TUSC3: variants seen among roughly 807,000 people sequenced by gnomAD.
The protein encoded by TUSC3 is tumor suppressor candidate 3.
A neutral mutation model predicts 44.8 loss-of-function variants in TUSC3; 45 were observed. That is an observed-to-expected ratio of 1.00 (90% CI 0.79 to 1.29). TUSC3 has a LOEUF of 1.29. Among genes scored for constraint, TUSC3 ranks in the 50% most tolerant of loss-of-function variants. The pLI is 0.00. For missense variants in TUSC3, 519 were observed against 437.9 expected, an observed-to-expected ratio of 1.19 and a Z score of -1.65; for synonymous variants, 212 against 152.9, an observed-to-expected ratio of 1.39 and a Z score of -2.85.
intron 1 of TUSC3, among the ~76,000 whole-genome samples, chr8:15,446,010 C>G (rs192817270): frequency 2.6e-5 from 4 of 151,586 alleles, no homozygotes; most frequent in African/African-American, 9.7e-5. Flanking sequence ...ACTTCCCAGA[C>G]GGGCCGGCTG....
chr8:15,743,990 G>T (rs1177431044), intron 8 of TUSC3, among the ~76,000 whole-genome samples: 1 of 152,264 alleles, frequency 6.6e-6, no homozygotes, highest in South Asian at 2.1e-4. Context: ...TCTGCTACAA[G>T]AATCAGGGGT....
intron 2 of TUSC3, among the ~76,000 whole-genome samples, chr8:15,521,615 C>T (rs1471365545): frequency 6.6e-6 from 1 of 151,810 alleles, no homozygotes; most frequent in Non-Finnish European, 1.5e-5. Context: ...GGTAATTACC[C>T]CCCCCAAAAA....
intron 2 of TUSC3, among the ~76,000 whole-genome samples, chr8:15,515,445 T>C (rs1314524288): frequency 6.6e-6 from 1 of 152,140 alleles, no homozygotes; most frequent in African/African-American, 2.4e-5. Context: ...TTTTCTCCTT[T>C]ATTTATAGTA....
intron 1 of TUSC3, among the ~76,000 whole-genome samples, chr8:15,553,240 C>T (rs937200612): frequency 3.3e-5 from 5 of 151,556 alleles, no homozygotes; most frequent in African/African-American, 1.2e-4. Context: ...AAATCATTCG[C>T]CTAAATGGGA....
chr8:15,494,893 A>G (rs1040735240), intron 2 of TUSC3, among the ~76,000 whole-genome samples: 14 of 152,080 alleles, frequency 9.2e-5, no homozygotes, highest in African/African-American at 2.9e-4. Flanking sequence ...CACCAAATCT[A>G]TAGCTGCATA....
chr8:15,660,649 A>T (rs1807380358), intron 4 of TUSC3, among the ~76,000 whole-genome samples: 1 of 151,910 alleles, frequency 6.6e-6, no homozygotes, highest in African/African-American at 2.4e-5. Context: ...CCCACATGGT[A>T]CCACTGTCAT....
chr8:15,792,842 C>G, the TUSC3 span, among the ~76,000 whole-genome samples: 1 of 152,016 alleles, frequency 6.6e-6, no homozygotes, highest in African/African-American at 2.4e-5. Flanking sequence ...TGGTCTCAAA[C>G]TCCTAGTCTC....
At chr8:15,599,895 G>A (rs1450864679) in intron 1 of TUSC3, among the ~76,000 whole-genome samples, 2 of 151,582 alleles carry the variant, frequency 1.3e-5, no homozygotes, top group Non-Finnish European at 3.0e-5. Flanking sequence ...GGCTATAATG[G>A]CTCTTTTACT....
In TUSC3 at chr8:15,645,480, T is replaced by C. The variant is rs546790418; in HGVS notation, c.309-5217T>C. Among the ~76,000 whole-genome samples, 4 of 152,250 alleles carry C rather than the reference T, an allele frequency of 2.6e-5. No individual in the cohort carries two copies. In the South Asian group the frequency reaches 8.3e-4, roughly 32 times the overall value. On this transcript the variant is annotated intron_variant, in intron 2 of 10. Transcript: ENST00000503731. ...ACTGTTCCAGCTCACTATTATCTCATCCTCTGTATGCTGTATAGCACCTAC... is the reference window on the plus strand; with the variant it reads ...ACTGTTCCAGCTCACTATTATCTCACCCTCTGTATGCTGTATAGCACCTAC...
intron 6 of TUSC3, among the ~76,000 whole-genome samples, chr8:15,677,357 A>G (rs780781636): frequency 6.6e-6 from 1 of 152,136 alleles, no homozygotes; most frequent in East Asian, 1.9e-4. Context: ...GTGACATTTT[A>G]TATGCTTACA....
chr8:15,847,514 G>A, the TUSC3 span, among the ~76,000 whole-genome samples: 15,862 of 152,028 alleles, frequency 0.1, 929 homozygotes, highest in East Asian at 0.22. Flanking sequence ...ATTTCCTCAC[G>A]CAAATACGTT....
At chr8:15,831,118 A>G in the TUSC3 span, among the ~76,000 whole-genome samples, 1 of 152,112 alleles carries the variant, frequency 6.6e-6, no homozygotes, top group African/African-American at 2.4e-5. Context: ...TTGAGGAGCT[A>G]GAGAACAAAG....
chr8:15,652,072 A>G (rs186080717), intron 3 of TUSC3, among the ~76,000 whole-genome samples: 3 of 152,340 alleles, frequency 2.0e-5, no homozygotes, highest in Admixed American at 1.3e-4. Flanking sequence ...CCAGAGCCCT[A>G]GCCTTAATCA....
At chr8:15,798,817 C>T in the TUSC3 span, among the ~76,000 whole-genome samples, 3 of 152,152 alleles carry the variant, frequency 2.0e-5, no homozygotes, top group African/African-American at 7.2e-5. Flanking sequence ...ACACCTGCAA[C>T]TCTATTTCCA....
intron 1 of TUSC3, among the ~76,000 whole-genome samples, chr8:15,444,845 A>C (rs913903103): frequency 6.6e-6 from 1 of 152,180 alleles, no homozygotes; most frequent in South Asian, 2.1e-4. Context: ...TCTTTCCCTC[A>C]TCTTTCCATT....
At chr8:15,743,361 G>A (rs2129214476) in intron 7 of TUSC3, 177 bp from the exon 8 acceptor site, 1 of 645,564 alleles carries the variant, frequency 1.5e-6, no homozygotes, top group South Asian at 1.9e-5. Context: ...AATTTTTAAA[G>A]TTAAGGCATA....
At chr8:15,522,125 C>T (rs1178171115) in intron 2 of TUSC3, among the ~76,000 whole-genome samples, 1 of 152,158 alleles carries the variant, frequency 6.6e-6, no homozygotes, top group Admixed American at 6.5e-5. Context: ...GTCCAAGCTT[C>T]AGGGAATCAG....
chr8:15,470,227 C>G (rs925306870), intron 1 of TUSC3, among the ~76,000 whole-genome samples: 3 of 150,530 alleles, frequency 2.0e-5, no homozygotes, highest in African/African-American at 7.3e-5. Context: ...CCACTACACT[C>G]CAGCCTGGGC....
At chr8:15,725,212 G>T (rs933170802) in intron 6 of TUSC3, among the ~76,000 whole-genome samples, 2 of 152,114 alleles carry the variant, frequency 1.3e-5, no homozygotes, top group African/African-American at 4.8e-5. Context: ...GAATAAAAGA[G>T]AAATAATTAA....
Sources: allele counts gnomAD v4.1 joint callset (sites outside exome capture counted in the v4.1 genomes callset), GRCh38; gene constraint gnomAD v4.1.1; transcripts MANE v1.5; gene names NCBI Gene and HGNC (gene_info 2026-07-23, HGNC 2026-07-21).